The following MSRA variants were observed in gnomAD, a reference collection of about 807,000 sequenced individuals.
MSRA encodes mitochondrial peptide methionine sulfoxide reductase.
In MSRA, 54 loss-of-function variants were observed where a neutral mutation model predicts 31.3. That is an observed-to-expected ratio of 1.73 (90% CI 1.39 to 2.17). The LOEUF (loss-of-function observed/expected upper bound fraction) is 2.17, where lower values mean the gene tolerates loss of function less well. Among genes scored for constraint, MSRA ranks in the 30% most tolerant of loss-of-function variants. The pLI is 0.00. For synonymous variants in MSRA, 169 were observed against 116.5 expected (o/e 1.45, Z -2.90); for missense variants, 507 against 300.9 (o/e 1.69, Z -5.07).
chr8:10,090,585 G>A (rs1314606268), intron 1 of MSRA, among the ~76,000 whole-genome samples: 2 of 152,146 alleles, frequency 1.3e-5, no homozygotes, highest in South Asian at 2.1e-4. Context: ...ACAATCCAGT[G>A]GTTTTTCGTA....
intron 5 of MSRA, among the ~76,000 whole-genome samples, chr8:10,355,982 G>T (rs538900771): frequency 6.4e-4 from 98 of 152,322 alleles, no homozygotes; most frequent in African/African-American, 2.3e-3. Context: ...GAATTCAGTA[G>T]CAGCCCAGGT....
intron 1 of MSRA, among the ~76,000 whole-genome samples, chr8:10,108,496 G>T (rs889041921): frequency 2.6e-5 from 4 of 152,142 alleles, no homozygotes. Flanking sequence ...CTTCCACAAA[G>T]ACTTTTTTTT....
chr8:10,420,707 A>G (rs769615032), intron 5 of MSRA, among the ~76,000 whole-genome samples: 2 of 152,062 alleles, frequency 1.3e-5, no homozygotes, highest in African/African-American at 4.8e-5. Flanking sequence ...TTTCATGCCT[A>G]TGTTAGTATC....
chr8:10,384,038 G>A (rs1204476591), intron 5 of MSRA, among the ~76,000 whole-genome samples: 1 of 152,122 alleles, frequency 6.6e-6, no homozygotes, highest in African/African-American at 2.4e-5. Context: ...TGACTCTGGA[G>A]CCCCCTTGCT....
At chr8:10,197,859 G>T (rs1585146549) in intron 1 of MSRA, among the ~76,000 whole-genome samples, 1 of 152,188 alleles carries the variant, frequency 6.6e-6, no homozygotes, top group South Asian at 2.1e-4. Context: ...ACTTGGGGCA[G>T]TTTCTTAGCT....
chr8:10,099,613 T>C (rs1007802973), intron 1 of MSRA, among the ~76,000 whole-genome samples: 4 of 152,248 alleles, frequency 2.6e-5, no homozygotes, highest in Admixed American at 2.0e-4. Context: ...TTGAGTCTTA[T>C]TTGACTAAGA....
intron 5 of MSRA, among the ~76,000 whole-genome samples, chr8:10,364,830 C>T (rs761391207): frequency 6.6e-6 from 1 of 152,072 alleles, no homozygotes; most frequent in Non-Finnish European, 1.5e-5. Flanking sequence ...TTGGGAAATC[C>T]CCGGATGTAG....
chr8:10,166,396 TCA>T (rs1176795087), intron 1 of MSRA, among the ~76,000 whole-genome samples: 2 of 150,690 alleles, frequency 1.3e-5, no homozygotes, highest in African/African-American at 4.9e-5. Flanking sequence ...TAGTGTGTGC[TCA>T]TATGTGTGTA....
At chr8:10,072,717 C>G (rs889184146) in intron 1 of MSRA, among the ~76,000 whole-genome samples, 1 of 152,236 alleles carries the variant, frequency 6.6e-6, no homozygotes, top group African/African-American at 2.4e-5. Context: ...CTGAGTCTTT[C>G]AATCCATGAG....
chr8:10,372,886 T>C (rs1316037367), intron 5 of MSRA, among the ~76,000 whole-genome samples: 2 of 152,258 alleles, frequency 1.3e-5, no homozygotes, highest in South Asian at 2.1e-4. Context: ...TAAGTTGTTA[T>C]TACTAACATT....
intron 5 of MSRA, among the ~76,000 whole-genome samples, chr8:10,374,152 G>T (rs932896716): frequency 2.6e-5 from 4 of 152,182 alleles, no homozygotes; most frequent in African/African-American, 9.6e-5. Flanking sequence ...TTGTTCTCCA[G>T]GCCAAATTCC....
chr8:10,384,575 G>C (rs1806270549), intron 5 of MSRA, among the ~76,000 whole-genome samples: 1 of 152,226 alleles, frequency 6.6e-6, no homozygotes, highest in South Asian at 2.1e-4. Context: ...TTCTGACACT[G>C]AGCTGGTCTC....
intron 1 of MSRA, among the ~76,000 whole-genome samples, chr8:10,180,568 A>G (rs1185167823): frequency 6.6e-6 from 1 of 152,164 alleles, no homozygotes; most frequent in Non-Finnish European, 1.5e-5. Flanking sequence ...GAGTTACCTC[A>G]TTAGCATAAC....
intron 1 of MSRA, among the ~76,000 whole-genome samples, chr8:10,121,749 C>T (rs987042718): frequency 5.9e-5 from 9 of 151,848 alleles, no homozygotes; most frequent in Admixed American, 2.0e-4. Flanking sequence ...TAGCTTACTA[C>T]GGCTTCAGAC....
intron 1 of MSRA, among the ~76,000 whole-genome samples, chr8:10,172,731 G>T (rs1805702032): frequency 6.6e-6 from 1 of 152,160 alleles, no homozygotes; most frequent in Admixed American, 6.5e-5. Flanking sequence ...ACCAGAGATG[G>T]GAAAGGAGGC....
chr8:10,290,330 A>T (rs1800163809), intron 3 of MSRA, among the ~76,000 whole-genome samples: 1 of 152,102 alleles, frequency 6.6e-6, no homozygotes, highest in African/African-American at 2.4e-5. Flanking sequence ...TGAGAATTAG[A>T]GAGTGCCCTG....
At chr8:10,310,748 C>G (rs544615051) in intron 4 of MSRA, among the ~76,000 whole-genome samples, 1 of 152,334 alleles carries the variant, frequency 6.6e-6, no homozygotes, top group African/African-American at 2.4e-5. Context: ...GACTTCAGGG[C>G]TAAAATCGAA....
At chr8:10,168,378 C>T (rs1422771034) in intron 1 of MSRA, among the ~76,000 whole-genome samples, 1 of 152,162 alleles carries the variant, frequency 6.6e-6, no homozygotes, top group African/African-American at 2.4e-5. Flanking sequence ...GCTATCATCC[C>T]TGGCCAACTC....
chr8:10,087,303 T>C (rs556208048), intron 1 of MSRA, among the ~76,000 whole-genome samples: 1 of 151,800 alleles, frequency 6.6e-6, no homozygotes, highest in African/African-American at 2.4e-5. Flanking sequence ...AGCATGTCTG[T>C]GCTTCTACCA....
Sources: gnomAD v4.1 joint callset for allele counts (sites outside exome capture counted in the v4.1 genomes callset) on GRCh38, gnomAD v4.1.1 for gene constraint, MANE v1.5 for transcripts, NCBI Gene and HGNC (gene_info 2026-07-23, HGNC 2026-07-21) for gene names.